Variants in CADM2 observed in about 807,000 individuals in gnomAD.
The protein encoded by CADM2 is immunoglobulin superfamily member 4D.
In CADM2, 12 loss-of-function variants were observed where a neutral mutation model predicts 49.8. The ratio of observed to expected loss-of-function variants is 0.24; its 90% CI spans 0.15 to 0.39. The LOEUF (loss-of-function observed/expected upper bound fraction) is 0.39, where lower values mean the gene tolerates loss of function less well. Among genes scored for constraint, CADM2 ranks in the 10% least tolerant of loss-of-function variants. The pLI is 1.00. For synonymous variants in CADM2, 214 were observed against 175.4 expected (o/e 1.22, Z -1.74); for missense variants, 378 against 492.3 (o/e 0.77, Z 2.20).
intron 1 of CADM2, among the ~76,000 whole-genome samples, chr3:85,038,963 AAATT>A (rs2035329297): frequency 6.6e-6 from 1 of 152,158 alleles, no homozygotes; most frequent in Admixed American, 6.6e-5. Context: ...TGTGCTTCTA[AAATT>A]ATTTTTTAAA....
chr3:85,878,988 G>A (rs1228149608), intron 3 of CADM2, among the ~76,000 whole-genome samples: 1 of 151,116 alleles, frequency 6.6e-6, no homozygotes, highest in Non-Finnish European at 1.5e-5. Context: ...AAAAATGTGT[G>A]AACAAACTAC....
chr3:85,509,051 A>G (rs1253208844), intron 1 of CADM2, among the ~76,000 whole-genome samples: 1 of 152,174 alleles, frequency 6.6e-6, no homozygotes, highest in Non-Finnish European at 1.5e-5. Context: ...GAAAGAAAGA[A>G]AAAGGAATGA....
At chr3:85,257,174 T>C (rs2042906297) in intron 1 of CADM2, among the ~76,000 whole-genome samples, 1 of 152,138 alleles carries the variant, frequency 6.6e-6, no homozygotes, top group South Asian at 2.1e-4. Flanking sequence ...CAATACTTGC[T>C]CTTAACCACC....
intron 1 of CADM2, among the ~76,000 whole-genome samples, chr3:85,414,040 T>G (rs2035799485): frequency 6.6e-6 from 1 of 152,074 alleles, no homozygotes; most frequent in South Asian, 2.1e-4. Flanking sequence ...AATTTTTGTG[T>G]TTTTAGTAAA....
At chr3:85,849,206 C>T (rs1316371511) in intron 3 of CADM2, among the ~76,000 whole-genome samples, 1 of 152,176 alleles carries the variant, frequency 6.6e-6, no homozygotes, top group East Asian at 1.9e-4. Context: ...ACAGGAAATG[C>T]TATTGGCCAG....
intron 1 of CADM2, among the ~76,000 whole-genome samples, chr3:85,276,097 T>A (rs2043350696): frequency 6.6e-6 from 1 of 151,320 alleles, no homozygotes; most frequent in Non-Finnish European, 1.5e-5. Flanking sequence ...GTGCTAATAT[T>A]TTATAATAAA....
intron 8 of CADM2, among the ~76,000 whole-genome samples, chr3:86,021,184 G>A (rs1559806208): frequency 6.6e-6 from 1 of 152,102 alleles, no homozygotes; most frequent in Non-Finnish European, 1.5e-5. Context: ...ATTTTTAGTA[G>A]AGATGAGGTT....
intron 2 of CADM2, among the ~76,000 whole-genome samples, chr3:85,737,187 G>C (rs186266455): frequency 6.6e-6 from 1 of 152,074 alleles, no homozygotes; most frequent in Non-Finnish European, 1.5e-5. Context: ...TGAAAGTGAA[G>C]GGAAAACCAT....
intron 2 of CADM2, among the ~76,000 whole-genome samples, chr3:85,767,687 G>A (rs1407466340): frequency 2.6e-5 from 4 of 151,968 alleles, no homozygotes; most frequent in Non-Finnish European, 5.9e-5. Flanking sequence ...TGGCATTACA[G>A]AAACAATTTA....
intron 1 of CADM2, among the ~76,000 whole-genome samples, chr3:85,724,047 T>C (rs2067600752): frequency 1.3e-5 from 2 of 151,734 alleles, no homozygotes; most frequent in Non-Finnish European, 3.0e-5. Flanking sequence ...AAAAAATAAC[T>C]AAATAAAAAA....
At chr3:85,239,496 A>T (rs2042482044) in intron 1 of CADM2, among the ~76,000 whole-genome samples, 1 of 151,698 alleles carries the variant, frequency 6.6e-6, no homozygotes, top group Non-Finnish European at 1.5e-5. Flanking sequence ...TAGATTTTTA[A>T]ACATGGATAT....
intron 5 of CADM2, among the ~76,000 whole-genome samples, chr3:85,895,716 G>C (rs182800398): frequency 6.6e-6 from 1 of 152,086 alleles, no homozygotes; most frequent in Non-Finnish European, 1.5e-5. Context: ...TGCTGTTCTT[G>C]TAATAGTAAA....
At position 86,073,988 on chromosome 3, in the gene CADM2, C is replaced by A. The variant is rs1328594244; in HGVS notation, c.*7205C>A. Reference sequence around the variant, plus strand: ...ACCTTGTAAAGTGATGACTAAGGGTCAAAAAAAATGTTGCTGACTTAGGGA... The same window carrying A: ...ACCTTGTAAAGTGATGACTAAGGGTAAAAAAAAATGTTGCTGACTTAGGGA... On this transcript the variant is annotated 3_prime_UTR_variant, in exon 10 of 10. Coordinates refer to ENST00000383699, the MANE Select transcript of CADM2 (RefSeq NM_001167675.2). 6.6e-6 allele frequency: 1 copy of A among 151,200 alleles called. No homozygotes were observed. The highest frequency in any genetic ancestry group is 1.5e-5 in the Non-Finnish European group (1 of 67,620). 9.4% of individuals were successfully genotyped at this position (151,200 alleles called of 1,614,324 possible).
chr3:85,298,251 T>C (rs1223834910), intron 1 of CADM2, among the ~76,000 whole-genome samples: 4 of 152,044 alleles, frequency 2.6e-5, no homozygotes, highest in Non-Finnish European at 5.9e-5. Flanking sequence ...GGTTTTGCCT[T>C]GAACACAGAG....
intron 8 of CADM2, among the ~76,000 whole-genome samples, chr3:85,962,800 T>C (rs1490816691): frequency 3.3e-4 from 50 of 151,968 alleles, no homozygotes; most frequent in Admixed American, 3.3e-3. Flanking sequence ...ACTAGTATTA[T>C]ATTCAACATA....
At chr3:85,511,166 C>A (rs1429902323) in intron 1 of CADM2, among the ~76,000 whole-genome samples, 1 of 151,978 alleles carries the variant, frequency 6.6e-6, no homozygotes, top group African/African-American at 2.4e-5. Flanking sequence ...ACCAATATGC[C>A]CTATAGGTTT....
At chr3:85,807,918 C>A (rs1409156217) in intron 3 of CADM2, among the ~76,000 whole-genome samples, 3 of 152,090 alleles carry the variant, frequency 2.0e-5, no homozygotes, top group Non-Finnish European at 2.9e-5. Flanking sequence ...AATTGTACAG[C>A]TTTCAGGGGG....
chr3:84,980,147 G>A (rs759851875), intron 1 of CADM2, among the ~76,000 whole-genome samples: 1 of 152,116 alleles, frequency 6.6e-6, no homozygotes, highest in African/African-American at 2.4e-5. Flanking sequence ...GTTTATAGGC[G>A]TTCTAGAAGG....
intron 1 of CADM2, among the ~76,000 whole-genome samples, chr3:85,449,239 A>T (rs2107563551): frequency 6.6e-6 from 1 of 151,752 alleles, no homozygotes; most frequent in Non-Finnish European, 1.5e-5. Context: ...CCTTTTATTT[A>T]AAGCATTATA....
Sources: allele counts gnomAD v4.1 joint callset (sites outside exome capture counted in the v4.1 genomes callset), GRCh38; gene constraint gnomAD v4.1.1; transcripts MANE v1.5; gene names NCBI Gene and HGNC (gene_info 2026-07-23, HGNC 2026-07-21).